The following CSMD1 variants were observed in gnomAD, a reference collection of about 807,000 sequenced individuals.
The protein encoded by CSMD1 is CUB and sushi domain-containing protein 1.
In CSMD1, 213 loss-of-function variants were observed where a neutral mutation model predicts 417.5. That is an observed-to-expected ratio of 0.51 (90% CI 0.46 to 0.57). CSMD1 has a LOEUF of 0.57. Ranked by LOEUF, CSMD1 falls within the 20% of genes least tolerant of loss-of-function variation. CSMD1 has a pLI of 0.00. For missense variants in CSMD1, 6,923 were observed against 4,529.7 expected, an observed-to-expected ratio of 1.53 and a Z score of -15.17; for synonymous variants, 2,862 against 1,736.8, an observed-to-expected ratio of 1.65 and a Z score of -16.11.
At chr8:4,518,715 T>C (rs546804222) in intron 2 of CSMD1, among the ~76,000 whole-genome samples, 110 of 152,104 alleles carry the variant, frequency 7.2e-4, no homozygotes, top group Non-Finnish European at 1.1e-3. Flanking sequence ...TGTATACATA[T>C]GTAACTAACC....
At chr8:4,612,256 A>G (rs1352783615) in intron 2 of CSMD1, among the ~76,000 whole-genome samples, 1 of 152,208 alleles carries the variant, frequency 6.6e-6, no homozygotes, top group African/African-American at 2.4e-5. Flanking sequence ...CACATGTGAT[A>G]AAAATAAATG....
intron 1 of CSMD1, among the ~76,000 whole-genome samples, chr8:4,716,869 A>G (rs1455397148): frequency 6.6e-6 from 1 of 152,160 alleles, no homozygotes; most frequent in African/African-American, 2.4e-5. Flanking sequence ...GTGTATATAG[A>G]TTGAAATTAA....
chr8:3,453,243 G>T (rs563441800), intron 12 of CSMD1, among the ~76,000 whole-genome samples: 1 of 151,802 alleles, frequency 6.6e-6, no homozygotes, highest in East Asian at 1.9e-4. Context: ...TATCAATTTT[G>T]TTGATCTTTT....
chr8:4,967,462 C>G (rs1809952326), intron 1 of CSMD1, among the ~76,000 whole-genome samples: 2 of 152,074 alleles, frequency 1.3e-5, no homozygotes, highest in African/African-American at 4.8e-5. Context: ...AGTCTATTAC[C>G]AGTGAATATA....
intron 1 of CSMD1, among the ~76,000 whole-genome samples, chr8:4,855,436 G>A (rs561141257): frequency 1.2e-4 from 19 of 152,300 alleles, no homozygotes; most frequent in Non-Finnish European, 2.6e-4. Context: ...CGAGCTGAGA[G>A]AAGAAGGCTT....
intron 3 of CSMD1, among the ~76,000 whole-genome samples, chr8:4,360,746 G>C (rs148736837): frequency 6.6e-6 from 1 of 151,466 alleles, no homozygotes; most frequent in Admixed American, 6.6e-5. Flanking sequence ...CGCCTACCTC[G>C]GCCTCCAAAA....
intron 12 of CSMD1, among the ~76,000 whole-genome samples, chr8:3,447,578 G>A (rs1002893095): frequency 6.6e-6 from 1 of 152,204 alleles, no homozygotes; most frequent in Non-Finnish European, 1.5e-5. Flanking sequence ...GACAGGAAGG[G>A]TCAGAGGTTC....
intron 3 of CSMD1, among the ~76,000 whole-genome samples, chr8:4,292,008 G>A (rs1458921752): frequency 1.3e-5 from 2 of 152,096 alleles, no homozygotes; most frequent in Non-Finnish European, 2.9e-5. Context: ...TGAGTTTGTT[G>A]CATAGATCCA....
chr8:3,995,100 G>A (rs561081997), intron 5 of CSMD1, among the ~76,000 whole-genome samples: 1 of 152,192 alleles, frequency 6.6e-6, no homozygotes, highest in Non-Finnish European at 1.5e-5. Context: ...ATATTTCAGA[G>A]ACTGTCACTG....
intron 3 of CSMD1, among the ~76,000 whole-genome samples, chr8:4,365,991 G>C (rs1308567969): frequency 6.6e-6 from 1 of 152,084 alleles, no homozygotes; most frequent in African/African-American, 2.4e-5. Context: ...GAAACTGTGT[G>C]TTGTTGAGGC....
chr8:3,865,930 T>G (rs1203768661), intron 5 of CSMD1, among the ~76,000 whole-genome samples: 1 of 152,194 alleles, frequency 6.6e-6, no homozygotes, highest in African/African-American at 2.4e-5. Context: ...TAACTCCTCA[T>G]GTTTCCCTCG....
intron 12 of CSMD1, among the ~76,000 whole-genome samples, chr8:3,456,810 G>A (rs974663857): frequency 1.3e-5 from 2 of 152,026 alleles, no homozygotes; most frequent in South Asian, 2.1e-4. Flanking sequence ...GCTACTAAAG[G>A]CCAGGGGTAT....
At chr8:3,671,430 T>C (rs142939314) in intron 7 of CSMD1, among the ~76,000 whole-genome samples, 1,873 of 145,408 alleles carry the variant, frequency 0.013, 81 homozygotes, top group African/African-American at 0.045. Context: ...GTACTATATA[T>C]ATAGTCACAT....
intron 41 of CSMD1, among the ~76,000 whole-genome samples, chr8:3,120,321 C>T (rs1817124197): frequency 6.6e-6 from 1 of 152,140 alleles, no homozygotes; most frequent in South Asian, 2.1e-4. Flanking sequence ...AGCAATTGGA[C>T]ATCAACATAA....
At chr8:3,544,071 G>T (rs1309765290) in intron 10 of CSMD1, among the ~76,000 whole-genome samples, 1 of 152,112 alleles carries the variant, frequency 6.6e-6, no homozygotes, top group Non-Finnish European at 1.5e-5. Context: ...AGGCCAAGGT[G>T]TGAGAGGTGT....
intron 6 of CSMD1, among the ~76,000 whole-genome samples, chr8:3,746,758 G>A (rs1797082725): frequency 1.3e-5 from 2 of 152,174 alleles, no homozygotes; most frequent in South Asian, 2.1e-4. Context: ...CCCAGAAGCT[G>A]TTCAGAATGA....
intron 7 of CSMD1, among the ~76,000 whole-genome samples, chr8:3,631,696 G>T (rs1191127918): frequency 6.6e-6 from 1 of 152,204 alleles, no homozygotes; most frequent in Admixed American, 6.5e-5. Context: ...GTCAGACGGA[G>T]GGAAGAAATT....
chr8:4,057,582 G>A (rs775379391), intron 3 of CSMD1, among the ~76,000 whole-genome samples: 1 of 151,796 alleles, frequency 6.6e-6, no homozygotes, highest in African/African-American at 2.4e-5. Flanking sequence ...CATTGCTTTT[G>A]GTGTTATAGA....
chr8:3,580,526 G>T lies in CSMD1; in HGVS notation c.1223-5460C>A, dbSNP rs930720737. 3.3e-5 allele frequency among the ~76,000 whole-genome samples: 5 copies of T among 152,164 alleles called. No individual in the cohort carries two copies. The East Asian group carries it at 9.6e-4, about 29-fold the overall frequency. ...GCTTTCAGGTTCTTTGATGTCAATA[G>T]AGTATGAGAGTAGTATAAGATACAA... On this transcript the variant is annotated intron_variant, in intron 9 of 69. Transcript: ENST00000635120.
Sources: gnomAD v4.1 joint callset for allele counts (sites outside exome capture counted in the v4.1 genomes callset) on GRCh38, gnomAD v4.1.1 for gene constraint, MANE v1.5 for transcripts, NCBI Gene and HGNC (gene_info 2026-07-23, HGNC 2026-07-21) for gene names.